SDR42E1: variants seen among roughly 807,000 people sequenced by gnomAD.
SDR42E1 encodes the protein short chain dehydrogenase/reductase family 42E, member 1, also known as short-chain dehydrogenase/reductase family 42E member 1.
A neutral mutation model predicts 2.6 loss-of-function variants in SDR42E1; 5 were observed. The observed-to-expected ratio is 1.94, with a 90% CI of 1.01 to 4.08. SDR42E1 has a LOEUF of 4.08. Ranked by LOEUF, SDR42E1 falls within the 30% of genes most tolerant of loss-of-function variation. The pLI is 0.00. For synonymous variants in SDR42E1, 231 were observed against 188.3 expected (o/e 1.23, Z -1.86); for missense variants, 596 against 478.6 (o/e 1.25, Z -2.29).
At position 81,997,460 on chromosome 16, in the gene SDR42E1, T is replaced by A. The variant is rs1394579068; in HGVS notation, c.*1651A>T. The A allele has an allele frequency of 6.6e-6, 1 of 152,240 alleles. No homozygotes were observed. The highest frequency in any genetic ancestry group is 1.5e-5 in the Non-Finnish European group (1 of 68,100). The allele number at this position is 152,240 out of a possible 1,614,324, so 9.4% of individuals were successfully genotyped here. On this transcript the variant is annotated 3_prime_UTR_variant, in exon 3 of 3. Transcript: ENST00000328945. ...CACTGTGACATTTGAGGCCAAGTCA[T>A]AAAGGACAATGCAGCTTCCACCCTG...
Position 81,999,952 on chromosome 16 carries a change from C to T in SDR42E1, c.341G>A (p.Arg114Lys), listed in dbSNP as rs193269551. The T allele has an allele frequency of 1.9e-6, 3 of 1,614,212 alleles. No individual in the cohort carries two copies. Among genetic ancestry groups the T allele is most frequent in the African/African-American group, 1.3e-5 (1 of 75,052 alleles). Residue 114 changes from arginine to lysine, a missense_variant, in exon 3 of 3, where the codon AGG (arginine) becomes AAG (lysine). By Grantham distance (26) the Arg-to-Lys change is conservative. Coordinates refer to ENST00000328945, the MANE Select transcript of SDR42E1 (RefSeq NM_145168.3). ...DNILQVCQRR[R>K]VPRLVYTSTF... ...GCTGGTGTAAACTAACCTGGGCACC[C>T]TTCTCCTTTGGCAAACCTGGAGGAT...
Position 81,991,048 on chromosome 16 carries a change from G to A in SDR42E1, c.*8063C>T, listed in dbSNP as rs1313711622. 3.3e-5 allele frequency: 5 copies of A among 152,216 alleles called. No individual in the cohort carries two copies. Among genetic ancestry groups the A allele is most frequent in the Admixed American group, 3.3e-4 (5 of 15,280 alleles). 9.4% of individuals were successfully genotyped at this position (152,216 alleles called of 1,614,324 possible). A position where few individuals can be genotyped will look rare whatever the true frequency, so the allele number is the denominator to read the frequency against. ...AATAATACTTGGGCTCTGCTCTCAA[G>A]ATACTGATTTAGAGGAGAGACTAGG... On this transcript the variant is annotated 3_prime_UTR_variant, in exon 3 of 3. Coordinates refer to ENST00000328945, the MANE Select transcript of SDR42E1 (RefSeq NM_145168.3).
chr16:81,999,553 G>A lies in SDR42E1; in HGVS notation c.740C>T (p.Ala247Val), dbSNP rs1214181438. ...EALRADKGHI[A>V]SGQPYFISDG... ...TGAGATGAAGTAGGGCTGCCCAGAGGCAATATGGCCCTTGTCAGCTCTCAG... is the reference window on the plus strand; with the variant it reads ...TGAGATGAAGTAGGGCTGCCCAGAGACAATATGGCCCTTGTCAGCTCTCAG... Residue 247 changes from alanine to valine, a missense_variant, in exon 3 of 3, where the codon GCC becomes GTC. By Grantham distance (64) the Ala-to-Val change is moderately conservative. Transcript: ENST00000328945. 1 of 1,614,144 alleles carries A rather than the reference G, an allele frequency of 6.2e-7. No homozygotes were observed. Among genetic ancestry groups the A allele is most frequent in the South Asian group, 1.1e-5 (1 of 91,080 alleles).
intron 1 of SDR42E1, among the ~76,000 whole-genome samples, chr16:82,006,945 CT>C (rs1567566705): frequency 1.3e-5 from 2 of 152,224 alleles, no homozygotes. Context: ...GGACAGCTGT[CT>C]ATAATTCAGG....
intron 1 of SDR42E1, among the ~76,000 whole-genome samples, chr16:82,001,866 C>A (rs1912773218): frequency 6.8e-6 from 1 of 146,758 alleles, no homozygotes; most frequent in Non-Finnish European, 1.5e-5. Context: ...CGCGCCACTG[C>A]ACTCTAGCCT....
Position 81,998,440 on chromosome 16 carries a change from T to A in SDR42E1, c.*671A>T, listed in dbSNP as rs1490389168. 1 of 152,346 alleles carries A rather than the reference T, an allele frequency of 6.6e-6. No homozygotes were observed. The highest frequency in any genetic ancestry group is 2.4e-5 in the African/African-American group (1 of 41,448). 9.4% of individuals were successfully genotyped at this position (152,346 alleles called of 1,614,324 possible). ...AAGGAATGTACCATGACAATTCTGA[T>A]AAAAAGAATGGCTATGTGTGTTGAG... On this transcript the variant is annotated 3_prime_UTR_variant, in exon 3 of 3. Transcript: ENST00000328945.
At position 81,994,848 on chromosome 16, in the gene SDR42E1, C is replaced by G. The variant is rs1250744300; in HGVS notation, c.*4263G>C. On this transcript the variant is annotated 3_prime_UTR_variant, in exon 3 of 3. Transcript: ENST00000328945. The stretch of plus-strand genomic sequence containing the variant: ...CAAAGCAACACTTGCCTCTTTTATA[C>G]ACCATGTTAGATGGTTGAGGAAAAT... 1.3e-5 allele frequency: 2 copies of G among 152,222 alleles called. 1 individual carries two copies. The highest frequency in any genetic ancestry group is 4.1e-4 in the South Asian group (2 of 4,834). The allele number at this position is 152,222 out of a possible 1,614,324, so 9.4% of individuals were successfully genotyped here. A position where few individuals can be genotyped will look rare whatever the true frequency, so the allele number is the denominator to read the frequency against.
At chr16:82,007,402 C>G (rs1481731503) in intron 1 of SDR42E1, among the ~76,000 whole-genome samples, 1 of 152,236 alleles carries the variant, frequency 6.6e-6, no homozygotes, top group Non-Finnish European at 1.5e-5. Context: ...TTGTGCAACA[C>G]TCTGTCTGTG....
In SDR42E1 at chr16:81,993,914, T is replaced by C. The variant is rs1240331517; in HGVS notation, c.*5197A>G. ...ATTCTAGAAAAGGAAATCAATCTCA[T>C]TTTTTAAGAAAAACTCCAGCAAATG... On this transcript the variant is annotated 3_prime_UTR_variant, in exon 3 of 3. Transcript: ENST00000328945. 6.6e-6 allele frequency: 1 copy of C among 152,106 alleles called. No homozygotes were observed. Among genetic ancestry groups the C allele is most frequent in the Admixed American group, 6.5e-5 (1 of 15,268 alleles). The allele number at this position is 152,106 out of a possible 1,614,324, so 9.4% of individuals were successfully genotyped here. A position where few individuals can be genotyped will look rare whatever the true frequency, so the allele number is the denominator to read the frequency against.
chr16:81,998,912 A>G lies in SDR42E1; in HGVS notation c.*199T>C, dbSNP rs1337750559. The G allele has an allele frequency of 8.1e-6, 5 of 618,280 alleles. No individual in the cohort carries two copies. The highest frequency in any genetic ancestry group is 1.4e-5 in the Non-Finnish European group (5 of 363,780). The allele number at this position is 618,280 out of a possible 1,614,324, so 38.3% of individuals were successfully genotyped here. ...ACATAACAAATCAAATTTCAAACTA[A>G]TCTCTGCTTCTGCTTTTTCATTCCC... On this transcript the variant is annotated 3_prime_UTR_variant, in exon 3 of 3. Coordinates refer to ENST00000328945, the MANE Select transcript of SDR42E1 (RefSeq NM_145168.3).
rs1912401289 is a variant in SDR42E1 at position 81,990,439 on chromosome 16, TTACTGAACATTCCATTTGAACGTCTCA to T, written c.*8645_*8671del. On this transcript the variant is annotated 3_prime_UTR_variant, in exon 3 of 3. Coordinates refer to ENST00000328945, the MANE Select transcript of SDR42E1 (RefSeq NM_145168.3). Reference sequence around the variant, plus strand: ...ACTACAGTCTTATGTTGCTAATTAGTTACTGAACATTCCATTTGAACGTCTCAAACTCCACTAGCATGTCTTGCATCT... The same window carrying T: ...ACTACAGTCTTATGTTGCTAATTAGTAACTCCACTAGCATGTCTTGCATCT... The T allele has an allele frequency of 6.6e-6, 1 of 152,208 alleles. No homozygotes were observed. The highest frequency in any genetic ancestry group is 6.5e-5 in the Admixed American group (1 of 15,288). 9.4% of individuals were successfully genotyped at this position (152,208 alleles called of 1,614,324 possible).
chr16:82,001,650 C>G (rs1302657090), intron 1 of SDR42E1, among the ~76,000 whole-genome samples: 1 of 152,030 alleles, frequency 6.6e-6, no homozygotes, highest in Non-Finnish European at 1.5e-5. Flanking sequence ...CACTTGTAAT[C>G]CCAGCACTTT....
rs745393028 is a variant in SDR42E1, at chr16:81,999,620, C to T, written c.673G>A (p.Val225Met). 59 of 1,614,044 alleles carry T rather than the reference C, an allele frequency of 3.7e-5. No individual in the cohort carries two copies. The highest frequency in any genetic ancestry group is 5.3e-5 in the African/African-American group (4 of 74,918). Reference sequence around the variant, plus strand: ...ATGTGAGCCTGCACCAAGTTATCCACGTGGACAAACTCAACCAGGCTCCTG... The same window carrying T: ...ATGTGAGCCTGCACCAAGTTATCCATGTGGACAAACTCAACCAGGCTCCTG... ...DPRSLVEFVHVDNLVQAHILA... is the reference protein window; with the variant it reads ...DPRSLVEFVHMDNLVQAHILA... The change falls in exon 3 of 3, where the codon GTG (valine) becomes ATG (methionine). Residue 225 changes from valine to methionine, a missense_variant. By Grantham distance (21) the Val-to-Met change is conservative. Coordinates refer to ENST00000328945, the MANE Select transcript of SDR42E1 (RefSeq NM_145168.3).
rs1567560982 is a variant in SDR42E1 at position 81,994,718 on chromosome 16, A to T, written c.*4393T>A. 1 of 152,180 alleles carries T rather than the reference A, an allele frequency of 6.6e-6. No homozygotes were observed. The highest frequency in any genetic ancestry group is 2.4e-5 in the African/African-American group (1 of 41,424). The allele number at this position is 152,180 out of a possible 1,614,324, so 9.4% of individuals were successfully genotyped here. A position where few individuals can be genotyped will look rare whatever the true frequency, so the allele number is the denominator to read the frequency against. On this transcript the variant is annotated 3_prime_UTR_variant, in exon 3 of 3. Transcript: ENST00000328945. ...CTATAATGATGTCTAATTGGGTCAGAGCTGGGGCGTGGCATTCTGCAGGCA... is the reference window on the plus strand; with the variant it reads ...CTATAATGATGTCTAATTGGGTCAGTGCTGGGGCGTGGCATTCTGCAGGCA...
At chr16:82,001,955 T>C (rs61644377) in intron 1 of SDR42E1, among the ~76,000 whole-genome samples, 21,601 of 141,298 alleles carry the variant, frequency 0.15, 5,165 homozygotes, top group African/African-American at 0.52. Flanking sequence ...AGGCACTGGG[T>C]GCGTATACAC....
At chr16:82,009,215 TG>T (rs912036876) in intron 1 of SDR42E1, among the ~76,000 whole-genome samples, 2 of 152,138 alleles carry the variant, frequency 1.3e-5, no homozygotes, top group African/African-American at 4.8e-5. Context: ...GGAAGGGAAA[TG>T]TGGGGTTGGA....
intron 1 of SDR42E1, among the ~76,000 whole-genome samples, chr16:82,009,979 G>T (rs1913073402): frequency 6.6e-6 from 1 of 152,162 alleles, no homozygotes; most frequent in Non-Finnish European, 1.5e-5. Context: ...AAGATCTGAT[G>T]GTTTTATAAA....
At chr16:82,006,813 A>G (rs562046001) in intron 1 of SDR42E1, among the ~76,000 whole-genome samples, 1 of 152,264 alleles carries the variant, frequency 6.6e-6, no homozygotes, top group Non-Finnish European at 1.5e-5. Flanking sequence ...AAAAAACAAA[A>G]AACCAAAAGG....
rs780787903 is a variant in SDR42E1, at chr16:81,999,520, C to G, written c.773G>C (p.Arg258Thr). The part of the protein sequence containing the change: ...SGQPYFISDG[R>T]PVNNFEFFRP... ...GAAGAACTCAAAGTTGTTCACGGGT[C>G]TGCCATCTGAGATGAAGTAGGGCTG... is the stretch of plus-strand genomic sequence containing the variant. The change falls in exon 3 of 3, where the codon AGA becomes ACA. Residue 258 changes from arginine to threonine, a missense_variant. Coordinates refer to ENST00000328945, the MANE Select transcript of SDR42E1 (RefSeq NM_145168.3). 1.5e-5 allele frequency: 25 copies of G among 1,614,186 alleles called. No individual in the cohort carries two copies. The highest frequency in any genetic ancestry group is 2.1e-5 in the Non-Finnish European group (25 of 1,180,032).
Sources: allele counts gnomAD v4.1 joint callset (sites outside exome capture counted in the v4.1 genomes callset), GRCh38; gene constraint gnomAD v4.1.1; transcripts MANE v1.5; gene names NCBI Gene and HGNC (gene_info 2026-07-23, HGNC 2026-07-21).